The following BNC2 variants were observed in gnomAD, a reference collection of about 807,000 sequenced individuals.
The protein encoded by BNC2 is zinc finger protein basonuclin-2.
In BNC2, 20 loss-of-function variants were observed where a neutral mutation model predicts 76.3. The ratio of observed to expected loss-of-function variants is 0.26; its 90% CI spans 0.18 to 0.38. The LOEUF (loss-of-function observed/expected upper bound fraction) is 0.38. Among genes scored for constraint, BNC2 ranks in the 10% least tolerant of loss-of-function variants. The pLI, the probability that BNC2 is intolerant of heterozygous loss-of-function variation, is 1.00. For synonymous variants in BNC2, 582 were observed against 514.8 expected (o/e 1.13, Z -1.77); for missense variants, 1,382 against 1,399.8 (o/e 0.99, Z 0.20).
At chr9:16,858,407 C>T (rs1313970002) in intron 1 of BNC2, among the ~76,000 whole-genome samples, 3 of 152,172 alleles carry the variant, frequency 2.0e-5, no homozygotes, top group Non-Finnish European at 2.9e-5. Flanking sequence ...CCCTGGAGTA[C>T]TACCAAGACT....
chr9:16,419,052 G>A lies in BNC2; in HGVS notation c.3237C>T (p.Ser1079=). ...TAGGGTTCTGACTGTGCCGATTTCG[G>A]CTTCGTACAGAGGAAAACATCATAT... ...GCNMMFSSVR[S]RNRHSQNPNL... Residue 1079 remains serine, a synonymous_variant, in exon 7 of 7, where the codon AGC becomes AGT. Transcript: ENST00000380672. 1.2e-6 allele frequency: 2 copies of A among 1,614,156 alleles called. No individual in the cohort carries two copies. Among genetic ancestry groups the A allele is most frequent in the Non-Finnish European group, 8.5e-7 (1 of 1,180,036 alleles).
intron 3 of BNC2, among the ~76,000 whole-genome samples, chr9:16,655,157 C>T (rs1291774431): frequency 1.3e-5 from 2 of 151,398 alleles, no homozygotes; most frequent in East Asian, 3.9e-4. Flanking sequence ...TACAGAAATT[C>T]AAGTAAAGGA....
At chr9:16,853,321 C>A (rs1169835309) in intron 1 of BNC2, among the ~76,000 whole-genome samples, 3 of 151,130 alleles carry the variant, frequency 2.0e-5, no homozygotes, top group African/African-American at 7.3e-5. Flanking sequence ...TGGAGGATCA[C>A]CTGAGCCCAG....
chr9:16,699,225 G>A (rs1379151388), intron 3 of BNC2: 2 of 470,734 alleles, frequency 4.2e-6, no homozygotes, highest in Non-Finnish European at 8.8e-6. Flanking sequence ...ACTATATGTG[G>A]CAACCTAAAT....
chr9:16,765,855 C>G (rs932333651), intron 1 of BNC2, among the ~76,000 whole-genome samples: 1 of 151,062 alleles, frequency 6.6e-6, no homozygotes, highest in Non-Finnish European at 1.5e-5. Flanking sequence ...GGCACGATCT[C>G]GGCTCACTGC....
At chr9:16,804,887 C>T (rs1586897886) in intron 1 of BNC2, among the ~76,000 whole-genome samples, 1 of 152,020 alleles carries the variant, frequency 6.6e-6, no homozygotes, top group Non-Finnish European at 1.5e-5. Flanking sequence ...TACAGTGAAA[C>T]CCCGTCTCTA....
chr9:16,548,440 G>C (rs1235496227), intron 5 of BNC2, among the ~76,000 whole-genome samples: 1 of 149,700 alleles, frequency 6.7e-6, no homozygotes, highest in Non-Finnish European at 1.5e-5. Context: ...GAGTCTCGCT[G>C]CAATGCCCAG....
intron 1 of BNC2, among the ~76,000 whole-genome samples, chr9:16,740,614 A>G (rs1824816994): frequency 6.6e-6 from 1 of 152,240 alleles, no homozygotes; most frequent in Non-Finnish European, 1.5e-5. Flanking sequence ...AAATTCTGCA[A>G]AGAAAACAAG....
chr9:16,704,643 C>T (rs932662109), intron 3 of BNC2: 1 of 149,518 alleles, frequency 6.7e-6, no homozygotes, highest in Admixed American at 6.7e-5. Flanking sequence ...AAAATTGTAT[C>T]CCTCTGACTA....
At chr9:16,572,595 T>C (rs1348252131) in intron 4 of BNC2, among the ~76,000 whole-genome samples, 4 of 152,060 alleles carry the variant, frequency 2.6e-5, no homozygotes, top group Non-Finnish European at 5.9e-5. Context: ...AAACCTCTGG[T>C]CTCAGCAAAG....
chr9:16,598,684 A>C (rs559052861), intron 3 of BNC2, among the ~76,000 whole-genome samples: 1 of 152,268 alleles, frequency 6.6e-6, no homozygotes, highest in Non-Finnish European at 1.5e-5. Flanking sequence ...ATAGAAAAGC[A>C]TATGTTCCCC....
intron 3 of BNC2, among the ~76,000 whole-genome samples, chr9:16,601,061 G>A (rs1021039950): frequency 1.2e-4 from 19 of 152,108 alleles, no homozygotes; most frequent in Admixed American, 7.2e-4. Flanking sequence ...GATTTATCAC[G>A]TGCTGCGAAA....
In BNC2 at chr9:16,695,603, G is replaced by T. The variant is rs113559313; in HGVS notation, c.330+32194C>A. Among the ~76,000 whole-genome samples, 3 of 143,270 alleles carry T rather than the reference G, an allele frequency of 2.1e-5. No individual in the cohort carries two copies. The South Asian group carries it at 6.7e-4, about 32-fold the overall frequency. The allele number at this position is 143,270 out of a possible 152,430, so 94.0% of individuals were successfully genotyped here. On this transcript the variant is annotated intron_variant, in intron 3 of 6. Transcript: ENST00000380672. ...TTACCCAGGCTGGTCTTGAACTCCT[G>T]GCCTCAAGTGATCCTCCTGCTGCGG...
At chr9:16,826,282 G>A (rs1323241347) in intron 1 of BNC2, among the ~76,000 whole-genome samples, 1 of 139,382 alleles carries the variant, frequency 7.2e-6, no homozygotes, top group Non-Finnish European at 1.5e-5. Context: ...GATAGGACCT[G>A]CCTTTTAGAA....
intron 5 of BNC2, among the ~76,000 whole-genome samples, chr9:16,486,987 T>C (rs550695959): frequency 1.6e-4 from 25 of 152,290 alleles, no homozygotes; most frequent in Admixed American, 8.5e-4. Context: ...AAAATTACAG[T>C]TGTGAGCCAC....
At chr9:16,654,649 G>A (rs920425167) in intron 3 of BNC2, among the ~76,000 whole-genome samples, 1 of 151,960 alleles carries the variant, frequency 6.6e-6, no homozygotes, top group Non-Finnish European at 1.5e-5. Context: ...TAACATATAG[G>A]TTGCTCAATT....
chr9:16,545,248 G>C (rs1319706367), intron 5 of BNC2, among the ~76,000 whole-genome samples: 1 of 152,148 alleles, frequency 6.6e-6, no homozygotes, highest in African/African-American at 2.4e-5. Flanking sequence ...CAGGATTTAA[G>C]GCTACTTTAT....
intron 1 of BNC2, among the ~76,000 whole-genome samples, chr9:16,831,929 G>C (rs909018768): frequency 2.0e-5 from 3 of 152,128 alleles, no homozygotes; most frequent in Non-Finnish European, 2.9e-5. Flanking sequence ...TATCAACCAA[G>C]ATCTAGGAAA....
intron 5 of BNC2, among the ~76,000 whole-genome samples, chr9:16,542,296 G>T (rs1461509670): frequency 6.6e-6 from 1 of 152,052 alleles, no homozygotes; most frequent in African/African-American, 2.4e-5. Flanking sequence ...TCTTATTTGG[G>T]GGGCCTCATG....
Sources: allele counts gnomAD v4.1 joint callset (sites outside exome capture counted in the v4.1 genomes callset), GRCh38; gene constraint gnomAD v4.1.1; transcripts MANE v1.5; gene names NCBI Gene and HGNC (gene_info 2026-07-23, HGNC 2026-07-21).